The following STK3 variants were observed in gnomAD, a reference collection of about 807,000 sequenced individuals.
STK3 encodes serine/threonine kinase 3.
Under a neutral mutation model 58.0 loss-of-function variants are expected in STK3, and 41 were observed. That is an observed-to-expected ratio of 0.71 (90% CI 0.55 to 0.92). The LOEUF is 0.92. STK3 is among the 40% of genes least tolerant of loss of function. The pLI, the probability that STK3 is intolerant of heterozygous loss-of-function variation, is 0.00. For synonymous variants in STK3, 170 were observed against 191.0 expected (o/e 0.89, Z 0.91); for missense variants, 479 against 602.7 (o/e 0.79, Z 2.15).
At chr8:98,662,745 T>C (rs1024040301) in intron 6 of STK3, among the ~76,000 whole-genome samples, 7 of 152,032 alleles carry the variant, frequency 4.6e-5, no homozygotes, top group Admixed American at 2.0e-4. Context: ...TACATATGTA[T>C]ACATGTGCCA....
intron 1 of STK3, among the ~76,000 whole-genome samples, chr8:98,892,490 G>A (rs1838234842): frequency 6.6e-6 from 1 of 152,134 alleles, no homozygotes; most frequent in South Asian, 2.1e-4. Flanking sequence ...AAGCCCTTAT[G>A]CTCTGGCCAT....
intron 3 of STK3, chr8:98,429,374 C>T (rs1457500784): frequency 6.2e-7 from 1 of 1,613,616 alleles, no homozygotes; most frequent in African/African-American, 1.3e-5. Flanking sequence ...TGAGCAGGAG[C>T]TCACCAAGTG....
chr8:98,429,841 T>C (rs1458828104), intron 3 of STK3: 1 of 175,852 alleles, frequency 5.7e-6, no homozygotes, highest in Non-Finnish European at 1.4e-5. Context: ...AATGCATCTA[T>C]GAGGTCAGCA....
intron 6 of STK3, among the ~76,000 whole-genome samples, chr8:98,679,562 C>T (rs908381604): frequency 1.3e-5 from 2 of 152,208 alleles, no homozygotes; most frequent in African/African-American, 4.8e-5. Flanking sequence ...CTCCCTCCCT[C>T]AGTAGAATAT....
intron 3 of STK3, among the ~76,000 whole-genome samples, chr8:98,832,436 C>A (rs1164325790): frequency 6.6e-6 from 1 of 151,938 alleles, no homozygotes; most frequent in African/African-American, 2.4e-5. Flanking sequence ...ACAGAGGCAT[C>A]CTGTGTGCAT....
chr8:98,345,804 TG>T, the STK3 span, among the ~76,000 whole-genome samples: 1 of 151,984 alleles, frequency 6.6e-6, no homozygotes. Context: ...AATAGAAATG[TG>T]GAAAATATAA....
At chr8:98,815,795 G>A (rs561776172) in intron 1 of STK3, among the ~76,000 whole-genome samples, 1 of 152,258 alleles carries the variant, frequency 6.6e-6, no homozygotes, top group South Asian at 2.1e-4. Context: ...CAGTACCACT[G>A]GGTAACTAAA....
chr8:98,920,226 T>C (rs1023479753), intron 1 of STK3, among the ~76,000 whole-genome samples: 3 of 152,198 alleles, frequency 2.0e-5, no homozygotes, highest in South Asian at 2.1e-4. Context: ...ATGTAGATTG[T>C]TGTATTCCCA....
chr8:98,542,563 C>A (rs1410591593), intron 9 of STK3, among the ~76,000 whole-genome samples: 1 of 152,080 alleles, frequency 6.6e-6, no homozygotes, highest in African/African-American at 2.4e-5. Context: ...CAAGAATTTG[C>A]CGTGGGAAGA....
At chr8:98,417,679 T>A (rs1469375098) in intron 3 of STK3, among the ~76,000 whole-genome samples, 3 of 152,118 alleles carry the variant, frequency 2.0e-5, no homozygotes, top group African/African-American at 4.8e-5. Context: ...TGCCCCACCA[T>A]GTTGTTGTGA....
At chr8:98,721,926 A>AT (rs970298547) in intron 4 of STK3, among the ~76,000 whole-genome samples, 65 of 151,638 alleles carry the variant, frequency 4.3e-4, no homozygotes, top group Non-Finnish European at 5.7e-4. Context: ...TCTAGATTTA[A>AT]TTTTTTTTTA....
intron 10 of STK3, among the ~76,000 whole-genome samples, chr8:98,498,400 T>C (rs1823312136): frequency 6.6e-6 from 1 of 152,144 alleles, no homozygotes; most frequent in African/African-American, 2.4e-5. Flanking sequence ...ACATGTCCTC[T>C]CTACCATGAG....
intron 10 of STK3, among the ~76,000 whole-genome samples, chr8:98,499,829 C>T (rs913172946): frequency 6.6e-6 from 1 of 152,092 alleles, no homozygotes; most frequent in African/African-American, 2.4e-5. Flanking sequence ...AGATCTTGGA[C>T]TTTTGAGCTG....
chr8:98,893,474 GAAAGAAAGAA>G (rs1838303722), intron 1 of STK3, among the ~76,000 whole-genome samples: 7 of 65,250 alleles, frequency 1.1e-4, no homozygotes, highest in South Asian at 5.3e-4. Flanking sequence ...AAGAAAGAAA[GAAAGAAAGAA>G]AGAGAAAGAA....
intron 8 of STK3, among the ~76,000 whole-genome samples, chr8:98,563,220 C>T (rs1812200624): frequency 6.6e-6 from 1 of 151,974 alleles, no homozygotes; most frequent in South Asian, 2.1e-4. Context: ...ATTCTGAAAC[C>T]ACTATACATG....
intron 7 of STK3, among the ~76,000 whole-genome samples, chr8:98,582,583 C>G (rs538805625): frequency 1.4e-4 from 22 of 152,014 alleles, no homozygotes; most frequent in South Asian, 6.2e-4. Flanking sequence ...CCCAACACCC[C>G]CTAAAGGCAG....
chr8:98,739,425 T>C (rs1828972852), intron 4 of STK3, among the ~76,000 whole-genome samples: 1 of 151,352 alleles, frequency 6.6e-6, no homozygotes, highest in Non-Finnish European at 1.5e-5. Context: ...GACAGCAGCA[T>C]TCGCGGTTCA....
intron 3 of STK3, among the ~76,000 whole-genome samples, chr8:98,414,048 G>A (rs1330366611): frequency 6.6e-6 from 1 of 152,222 alleles, no homozygotes; most frequent in Non-Finnish European, 1.5e-5. Context: ...TGGATCACCT[G>A]AGGCCAGGAG....
chr8:98,940,520 G>A (rs940492195), intron 1 of STK3, among the ~76,000 whole-genome samples: 2 of 152,200 alleles, frequency 1.3e-5, no homozygotes, highest in Non-Finnish European at 2.9e-5. Context: ...AAGGGTGCCT[G>A]CGGCTGGCTG....
Sources: allele counts gnomAD v4.1 joint callset (sites outside exome capture counted in the v4.1 genomes callset), GRCh38; gene constraint gnomAD v4.1.1; transcripts MANE v1.5; gene names NCBI Gene and HGNC (gene_info 2026-07-23, HGNC 2026-07-21).